TMEM33: variants seen among roughly 807,000 people sequenced by gnomAD.
TMEM33 encodes transmembrane protein 33.
Under a neutral mutation model 29.7 loss-of-function variants are expected in TMEM33, and 16 were observed. The ratio of observed to expected loss-of-function variants is 0.54; its 90% CI spans 0.36 to 0.82. The LOEUF is 0.82. TMEM33 is among the 40% of genes least tolerant of loss of function. The pLI, the probability that TMEM33 is intolerant of heterozygous loss-of-function variation, is 0.00. For synonymous variants in TMEM33, 112 were observed against 109.4 expected (o/e 1.02, Z -0.15); for missense variants, 252 against 295.3 (o/e 0.85, Z 1.08).
chr4:41,936,076 C>T (rs184477358), intron 1 of TMEM33, among the ~76,000 whole-genome samples: 1 of 152,286 alleles, frequency 6.6e-6, no homozygotes. Context: ...TATTTGTGCC[C>T]GGAGCATTGC....
rs1713317660 is a variant in TMEM33 at position 41,957,480 on chromosome 4, T to A, written c.*3281T>A. 6.6e-6 allele frequency: 1 copy of A among 152,054 alleles called. No homozygotes were observed. The highest frequency in any genetic ancestry group is 1.5e-5 in the Non-Finnish European group (1 of 67,980). The allele number at this position is 152,054 out of a possible 1,614,324, so 9.4% of individuals were successfully genotyped here. On this transcript the variant is annotated 3_prime_UTR_variant, in exon 7 of 7. Coordinates refer to ENST00000504986, the MANE Select transcript of TMEM33 (RefSeq NM_018126.3). ...GAAACCATCAATACTTCCTTCTTCC[T>A]AAAAATCCAGATCAAAACTTCAGGT...
At chr4:41,950,482 G>A (rs1560519083) in intron 6 of TMEM33, among the ~76,000 whole-genome samples, 1 of 151,976 alleles carries the variant, frequency 6.6e-6, no homozygotes, top group Non-Finnish European at 1.5e-5. Flanking sequence ...ACTCCTTCTG[G>A]GGGTGAAGCG....
chr4:41,935,226 C>G (rs1005313575), upstream of TMEM33: 2 of 579,290 alleles, frequency 3.5e-6, no homozygotes, highest in African/African-American at 1.9e-5. Context: ...TCCCGTCTTT[C>G]TGGAAACACC....
chr4:41,954,140 A>G lies in TMEM33; in HGVS notation c.685A>G (p.Arg229Gly). 6.2e-7 allele frequency: 1 copy of G among 1,613,998 alleles called. No individual in the cohort carries two copies. The highest frequency in any genetic ancestry group is 8.5e-7 in the Non-Finnish European group (1 of 1,179,872). Reference protein sequence around the residue: ...IMKPACPLFVRRLCLQSIAFI... With the variant: ...IMKPACPLFVGRLCLQSIAFI... ...GAAACCTGCTTGCCCACTGTTTGTG[A>G]GAAGACTTTGTCTCCAGAGCATTGC... Residue 229 changes from arginine to glycine, a missense_variant, in exon 7 of 7, where the codon AGA (arginine) becomes GGA (glycine). Transcript: ENST00000504986.
At chr4:41,941,867 C>T (rs543855242) in intron 3 of TMEM33, among the ~76,000 whole-genome samples, 1 of 152,176 alleles carries the variant, frequency 6.6e-6, no homozygotes, top group Non-Finnish European at 1.5e-5. Context: ...CACCTCTTAT[C>T]TTTTCTAAAT....
intron 6 of TMEM33, among the ~76,000 whole-genome samples, chr4:41,949,777 A>G (rs77794973): frequency 0.028 from 4,316 of 152,254 alleles, 101 homozygotes; most frequent in African/African-American, 0.055. Flanking sequence ...TTATATCAGT[A>G]CTGCAGTCCA....
At chr4:41,938,307 TA>T (rs761757659) in intron 1 of TMEM33, among the ~76,000 whole-genome samples, 46 of 152,270 alleles carry the variant, frequency 3.0e-4, no homozygotes, top group Non-Finnish European at 3.1e-4. Context: ...CTGTTAAGAT[TA>T]TTTTTTCTAA....
intron 6 of TMEM33, among the ~76,000 whole-genome samples, chr4:41,951,858 T>C (rs144124442): frequency 2.3e-3 from 345 of 152,296 alleles, no homozygotes; most frequent in Middle Eastern, 0.01. Flanking sequence ...TTGATAAATA[T>C]CTGTGTCCAC....
chr4:41,954,056 A>T lies in TMEM33; in HGVS notation c.615-14A>T, dbSNP rs375451855. On this transcript the variant is annotated splice_polypyrimidine_tract_variant and intron_variant, in intron 6 of 6. Transcript: ENST00000504986. ...TTCCTTGTGTTTCTCAAAGAAAACT[A>T]TTTTGTCTTGCAGGACCTTATTTAA... 6.2e-7 allele frequency: 1 copy of T among 1,611,850 alleles called. No homozygotes were observed. Among genetic ancestry groups the T allele is most frequent in the Admixed American group, 1.7e-5 (1 of 59,786 alleles).
At chr4:41,949,626 C>T (rs1368996902) in intron 6 of TMEM33, among the ~76,000 whole-genome samples, 1 of 152,068 alleles carries the variant, frequency 6.6e-6, no homozygotes, top group African/African-American at 2.4e-5. Flanking sequence ...TAAAACTTAG[C>T]AAATTTTAAA....
intron 4 of TMEM33, chr4:41,944,026 A>C (rs1470313784): frequency 2.0e-6 from 1 of 498,322 alleles, no homozygotes; most frequent in Non-Finnish European, 3.5e-6. Context: ...GATTGCACTT[A>C]AAATCACCCC....
At chr4:41,935,656 G>A in intron 1 of TMEM33, 127 bp downstream of exon 1, 4 of 979,548 alleles carry the variant, frequency 4.1e-6, no homozygotes, top group Non-Finnish European at 6.1e-6. Context: ...GTTGGGGTGG[G>A]GAAGTTGGAG....
chr4:41,949,256 A>G, intron 5 of TMEM33, 46 bp from the exon 6 acceptor site: 1 of 1,364,334 alleles, frequency 7.3e-7, no homozygotes, highest in Non-Finnish European at 1.0e-6. Flanking sequence ...GAGTATACAC[A>G]TGAATTGAAA....
At chr4:41,939,779 G>C (rs1400841311) in intron 3 of TMEM33, 1 of 456,854 alleles carries the variant, frequency 2.2e-6, no homozygotes, top group Non-Finnish European at 4.4e-6. Flanking sequence ...CTTAACCCCA[G>C]TGAACTAGAT....
At chr4:41,942,605 T>G (rs1712591213) in intron 3 of TMEM33, among the ~76,000 whole-genome samples, 2 of 152,216 alleles carry the variant, frequency 1.3e-5, no homozygotes, top group African/African-American at 4.8e-5. Flanking sequence ...TTTTTGCCAT[T>G]TGTGATTGAC....
chr4:41,953,607 GC>G (rs1713136581), intron 6 of TMEM33, among the ~76,000 whole-genome samples: 2 of 152,126 alleles, frequency 1.3e-5, no homozygotes, highest in Non-Finnish European at 2.9e-5. Flanking sequence ...GACATGGGAG[GC>G]CTCCTTTCAC....
intron 1 of TMEM33, among the ~76,000 whole-genome samples, chr4:41,937,659 T>C (rs553424221): frequency 5.9e-5 from 9 of 152,186 alleles, no homozygotes; most frequent in Non-Finnish European, 1.2e-4. Context: ...GGGTAAATAT[T>C]TGTGAAACTT....
intron 6 of TMEM33, among the ~76,000 whole-genome samples, chr4:41,952,254 T>C (rs577875426): frequency 9.2e-5 from 14 of 152,352 alleles, no homozygotes; most frequent in African/African-American, 2.6e-4. Flanking sequence ...TGGAAAATTA[T>C]GCATTACTCC....
chr4:41,953,896 C>G (rs1469766387), intron 6 of TMEM33, 174 bp from the exon 7 acceptor site: 1 of 712,030 alleles, frequency 1.4e-6, no homozygotes, highest in African/African-American at 1.7e-5. Flanking sequence ...GACGCAGAGA[C>G]ATGAAGTGAG....
Sources: allele counts gnomAD v4.1 joint callset (sites outside exome capture counted in the v4.1 genomes callset), GRCh38; gene constraint gnomAD v4.1.1; transcripts MANE v1.5; gene names NCBI Gene and HGNC (gene_info 2026-07-23, HGNC 2026-07-21).